Variants in RSF1 observed in about 807,000 individuals in gnomAD.
RSF1 encodes the protein HBV pX-associated protein 8.
RSF1 carries 13 observed loss-of-function variants against 145.2 expected under a neutral mutation model. That is an observed-to-expected ratio of 0.09 (90% CI 0.06 to 0.14). RSF1 has a LOEUF of 0.14. RSF1 is among the 10% of genes least tolerant of loss of function. The pLI, the probability that RSF1 is intolerant of heterozygous loss-of-function variation, is 1.00. For missense variants in RSF1, 1,517 were observed against 1,718.2 expected (o/e 0.88, Z 2.07); for synonymous variants, 577 against 592.6 (o/e 0.97, Z 0.38).
chr11:77,781,388 TGTGCCTGGCCTCC>T (rs1948402682), intron 1 of RSF1, among the ~76,000 whole-genome samples: 33 of 152,220 alleles, frequency 2.2e-4, no homozygotes, highest in Non-Finnish European at 2.9e-5. Context: ...TGTGAGCCAC[TGTGCCTGGCCTCC>T]GTGTTTTGAC....
chr11:77,762,451 A>G (rs935986956), intron 2 of RSF1: 1 of 152,104 alleles, frequency 6.6e-6, no homozygotes, highest in African/African-American at 2.4e-5. Flanking sequence ...AGGTCTCCTT[A>G]TTGCTCAGTT....
intron 3 of RSF1, among the ~76,000 whole-genome samples, chr11:77,743,320 TG>T (rs1232409609): frequency 5.5e-4 from 83 of 152,230 alleles, no homozygotes; most frequent in Non-Finnish European, 1.0e-4. Flanking sequence ...TAGATCACTT[TG>T]GGTAGTACGG....
At position 77,750,252 on chromosome 11, in the gene RSF1, G is replaced by A. The variant is rs936549420; in HGVS notation, c.280-3124C>T. Among the ~76,000 whole-genome samples, 6 of 152,080 alleles carry A rather than the reference G, an allele frequency of 3.9e-5. No individual in the cohort carries two copies. In the East Asian group the frequency reaches 7.7e-4, roughly 20 times the overall value. ...ATGCAAAACTATTTAATCTACACCC[G>A]GGGTAAGCAAGTTTTTCCTCAAGGC... On this transcript the variant is annotated intron_variant, in intron 2 of 15. Coordinates refer to ENST00000308488, the MANE Select transcript of RSF1 (RefSeq NM_016578.4).
rs577799359 is a variant in RSF1, at chr11:77,732,103, G to T, written c.579-6404C>A. On this transcript the variant is annotated intron_variant, in intron 4 of 15. Transcript: ENST00000308488. Reference sequence around the variant, plus strand: ...GCCAGGAGGGAGGCTGTACAGGGGCGCAGCTGCCCAAGACCATGGGAACCC... The same window carrying T: ...GCCAGGAGGGAGGCTGTACAGGGGCTCAGCTGCCCAAGACCATGGGAACCC... 3.2e-4 allele frequency among the ~76,000 whole-genome samples: 48 copies of T among 152,292 alleles called. 1 individual carries two copies. The highest frequency in any genetic ancestry group is 9.9e-4 in the African/African-American group (41 of 41,580).
chr11:77,852,234 AAAAAAAAG>A, the RSF1 span, among the ~76,000 whole-genome samples: 1 of 148,944 alleles, frequency 6.7e-6, no homozygotes. Flanking sequence ...CAAAAAAAAA[AAAAAAAAG>A]AAGAAGAAGA....
chr11:77,741,955 G>T (rs1031677831), intron 3 of RSF1, among the ~76,000 whole-genome samples: 1 of 152,108 alleles, frequency 6.6e-6, no homozygotes, highest in African/African-American at 2.4e-5. Flanking sequence ...CTTTCAGTGC[G>T]TTGCTTATTT....
intron 14 of RSF1, among the ~76,000 whole-genome samples, chr11:77,673,674 G>C (rs958337356): frequency 6.6e-6 from 1 of 152,106 alleles, no homozygotes; most frequent in African/African-American, 2.4e-5. Context: ...AAAACTAGCA[G>C]GTGAAATATA....
chr11:77,794,243 TC>T (rs1316108258), intron 1 of RSF1, among the ~76,000 whole-genome samples: 14 of 152,210 alleles, frequency 9.2e-5, no homozygotes, highest in Admixed American at 9.2e-4. Flanking sequence ...CTTCTTCTCA[TC>T]AGCACGTGGA....
At chr11:77,753,325 C>T (rs72949616) in intron 2 of RSF1, among the ~76,000 whole-genome samples, 26,514 of 152,136 alleles carry the variant, frequency 0.17, 2,807 homozygotes, top group Non-Finnish European at 0.24. Flanking sequence ...CTAGCCAACT[C>T]CCATCTTGCC....
At chr11:77,835,990 G>C in the RSF1 span, among the ~76,000 whole-genome samples, 1 of 152,110 alleles carries the variant, frequency 6.6e-6, no homozygotes, top group Non-Finnish European at 1.5e-5. Context: ...TGTAGAGTCA[G>C]ACAGACTTGG....
chr11:77,686,897 C>T (rs985699446), intron 9 of RSF1, among the ~76,000 whole-genome samples: 34 of 152,258 alleles, frequency 2.2e-4, no homozygotes, highest in African/African-American at 7.7e-4. Flanking sequence ...GTACCCAATA[C>T]ATGTTGCTTA....
chr11:77,840,971 A>G, the RSF1 span: 4 of 499,460 alleles, frequency 8.0e-6, no homozygotes, highest in Non-Finnish European at 1.4e-5. Flanking sequence ...GAATACCTGA[A>G]ACTGGGTAAT....
chr11:77,780,267 A>C (rs892590080), intron 1 of RSF1, among the ~76,000 whole-genome samples: 5 of 152,246 alleles, frequency 3.3e-5, no homozygotes, highest in African/African-American at 4.8e-5. Flanking sequence ...TAACTAACTG[A>C]TTAGCAAACA....
At chr11:77,761,691 G>A (rs1590872325) in intron 2 of RSF1, among the ~76,000 whole-genome samples, 1 of 152,114 alleles carries the variant, frequency 6.6e-6, no homozygotes, top group African/African-American at 2.4e-5. Context: ...TCATGGAAGC[G>A]TAAAGGTTCA....
chr11:77,832,951 A>ATGTGTG, the RSF1 span, among the ~76,000 whole-genome samples: 460 of 68,414 alleles, frequency 6.7e-3, 13 homozygotes, highest in Non-Finnish European at 9.1e-3. Flanking sequence ...GTATATATAT[A>ATGTGTG]TGTGTGTGTG....
chr11:77,723,184 C>A (rs1960978340), intron 5 of RSF1, among the ~76,000 whole-genome samples: 1 of 152,200 alleles, frequency 6.6e-6, no homozygotes, highest in Non-Finnish European at 1.5e-5. Flanking sequence ...CGTGGCTGGG[C>A]ACAGTGACTC....
At chr11:77,713,035 A>G (rs899591599) in intron 5 of RSF1, among the ~76,000 whole-genome samples, 2 of 152,154 alleles carry the variant, frequency 1.3e-5, no homozygotes, top group African/African-American at 4.8e-5. Context: ...CTCTTACAGG[A>G]GAATGACATT....
At chr11:77,686,094 TTTG>T (rs1305802521) in intron 9 of RSF1, among the ~76,000 whole-genome samples, 1 of 152,012 alleles carries the variant, frequency 6.6e-6, no homozygotes, top group Non-Finnish European at 1.5e-5. Flanking sequence ...GAAACAAACC[TTTG>T]TTGATTTTAA....
intron 1 of RSF1, among the ~76,000 whole-genome samples, chr11:77,781,548 A>G (rs484363): frequency 0.18 from 26,796 of 152,232 alleles, 2,836 homozygotes; most frequent in Non-Finnish European, 0.24. Context: ...AGAAACTCCC[A>G]AACATTTTGC....
Sources: allele counts gnomAD v4.1 joint callset (sites outside exome capture counted in the v4.1 genomes callset), GRCh38; gene constraint gnomAD v4.1.1; transcripts MANE v1.5; gene names NCBI Gene and HGNC (gene_info 2026-07-23, HGNC 2026-07-21).